Variants in GOLGA6L9 observed in about 807,000 individuals in gnomAD.
GOLGA6L9 encodes golgin subfamily A member 6-like protein 9.
Under a neutral mutation model 51.3 loss-of-function variants are expected in GOLGA6L9, and 19 were observed. The observed-to-expected ratio is 0.37, with a 90% confidence interval of 0.26 to 0.54. The LOEUF is 0.54. Ranked by LOEUF, GOLGA6L9 falls within the 20% of genes least tolerant of loss-of-function variation. The pLI is 0.83. For missense variants in GOLGA6L9, 247 were observed against 464.1 expected, an observed-to-expected ratio of 0.53 and a Z score of 4.30; for synonymous variants, 97 against 184.2, an observed-to-expected ratio of 0.53 and a Z score of 3.83.
intron 5 of GOLGA6L9, 108 bp from the exon 6 acceptor site, chr15:82,433,926 G>A: frequency 7.0e-7 from 1 of 1,425,794 alleles, no homozygotes; most frequent in East Asian, 2.5e-5. Flanking sequence ...CATTAGCAGT[G>A]AGGCCAAGTT....
the GOLGA6L9 span, among the ~76,000 whole-genome samples, chr15:82,420,755 T>C: frequency 2.0e-5 from 3 of 152,130 alleles, no homozygotes; most frequent in Admixed American, 6.6e-5. Context: ...TAACATGAAA[T>C]GCAGGCTGTA....
At chr15:82,427,067 T>A (rs1342709339), upstream of GOLGA6L9, among the ~76,000 whole-genome samples, 2 of 151,598 alleles carry the variant, frequency 1.3e-5, no homozygotes, top group African/African-American at 2.4e-5. Context: ...TTGTTTTTTT[T>A]TCTCAGTAAT....
Position 82,437,011 on chromosome 15 carries a change from A to G in GOLGA6L9, c.*600A>G, listed in dbSNP as rs1268485129. On this transcript the variant is annotated 3_prime_UTR_variant, in exon 9 of 9. Transcript: ENST00000618348. ...ACAGCCTTTCCCCCTTTTTCTGTGT[A>G]TTGGGGATGGGAGTAATAACATTTT... 1 of 156,300 alleles carries G rather than the reference A, an allele frequency of 6.4e-6. No individual in the cohort carries two copies. Among genetic ancestry groups the G allele is most frequent in the African/African-American group, 2.4e-5 (1 of 41,026 alleles). The allele number at this position is 156,300 out of a possible 1,614,324, so 9.7% of individuals were successfully genotyped here. A position where few individuals can be genotyped will look rare whatever the true frequency, so the allele number is the denominator to read the frequency against.
At chr15:82,417,992 G>A in the GOLGA6L9 span, among the ~76,000 whole-genome samples, 10 of 152,096 alleles carry the variant, frequency 6.6e-5, no homozygotes, top group African/African-American at 1.2e-4. Flanking sequence ...TTAATTTTTC[G>A]GAGAGTTTTT....
At chr15:82,420,012 C>G in the GOLGA6L9 span, 1 of 451,074 alleles carries the variant, frequency 2.2e-6, no homozygotes, top group Non-Finnish European at 4.4e-6. Flanking sequence ...TAGAATCAGT[C>G]ATCATGCAAA....
chr15:82,426,001 A>T (rs1485143642), upstream of GOLGA6L9, among the ~76,000 whole-genome samples: 1 of 127,556 alleles, frequency 7.8e-6, no homozygotes, highest in Non-Finnish European at 1.6e-5. Flanking sequence ...ATATTTAAAA[A>T]TTTTCTGAAC....
the GOLGA6L9 span, among the ~76,000 whole-genome samples, chr15:82,416,754 GA>G: frequency 1.3e-5 from 2 of 152,188 alleles, no homozygotes. Context: ...ATAGATTACT[GA>G]GGAGTTTTGT....
the GOLGA6L9 span, among the ~76,000 whole-genome samples, chr15:82,417,130 CT>C: frequency 6.6e-6 from 1 of 152,154 alleles, no homozygotes; most frequent in African/African-American, 2.4e-5. Flanking sequence ...ATTGACTTTT[CT>C]TTGAAGTGAT....
rs2031345395 is a variant in GOLGA6L9, at chr15:82,429,852, T to A, written c.-228T>A. On this transcript the variant is annotated 5_prime_UTR_variant, in exon 1 of 9. Transcript: ENST00000618348. ...TCTCTGAGTGGGCGGGGACAGCGGT[T>A]GCATGGGCAGCTTTCCTTATGATGC... Among the ~76,000 whole-genome samples, 1 of 152,092 alleles carries A rather than the reference T, an allele frequency of 6.6e-6. No homozygotes were observed. Among genetic ancestry groups the A allele is most frequent in the Non-Finnish European group, 1.5e-5 (1 of 68,024 alleles).
chr15:82,416,307 GTGGAT>G, the GOLGA6L9 span, among the ~76,000 whole-genome samples: 2 of 152,178 alleles, frequency 1.3e-5, no homozygotes, highest in Non-Finnish European at 1.5e-5. Flanking sequence ...AAACAGTTCT[GTGGAT>G]TGGTGACAGA....
upstream of GOLGA6L9, among the ~76,000 whole-genome samples, chr15:82,427,215 CTTGT>C (rs1439159002): frequency 3.0e-5 from 4 of 131,460 alleles, no homozygotes; most frequent in Non-Finnish European, 6.4e-5. Flanking sequence ...CTTTCTTTTC[CTTGT>C]TTCTTTCTTT....
chr15:82,433,119 C>T (rs2031483884), intron 4 of GOLGA6L9, among the ~76,000 whole-genome samples: 1 of 151,458 alleles, frequency 6.6e-6, no homozygotes, highest in African/African-American at 2.4e-5. Flanking sequence ...CACCCCTGCT[C>T]TAGTCCTTGC....
At position 82,437,720 on chromosome 15, in the gene GOLGA6L9, CAAAA is replaced by C; in HGVS notation, c.*1311_*1314del. 6.7e-6 allele frequency: 1 copy of C among 148,534 alleles called. No homozygotes were observed. Among genetic ancestry groups the C allele is most frequent in the Non-Finnish European group, 1.5e-5 (1 of 67,106 alleles). The allele number at this position is 148,534 out of a possible 1,614,324, so 9.2% of individuals were successfully genotyped here. ...TATATGTGAGAGTACTTAGTTGAAACAAAAAGGAGTTTTAGTAGACAGTATTATA... is the reference window on the plus strand; with the variant it reads ...TATATGTGAGAGTACTTAGTTGAAACAGGAGTTTTAGTAGACAGTATTATA... On this transcript the variant is annotated 3_prime_UTR_variant, in exon 9 of 9. Coordinates refer to ENST00000618348, the MANE Select transcript of GOLGA6L9 (RefSeq NM_198181.4).
rs906442245 is a variant in GOLGA6L9, at chr15:82,438,567, T to C, written c.*2156T>C. On this transcript the variant is annotated 3_prime_UTR_variant, in exon 9 of 9. Transcript: ENST00000618348. ...CTTTAATTTGCTTAGAAGGCAACAT[T>C]AGAAGGTTAGAGTTCAGCAGGAACA... The C allele has an allele frequency of 2.7e-5, 4 of 146,508 alleles. No individual in the cohort carries two copies. Among genetic ancestry groups the C allele is most frequent in the African/African-American group, 7.6e-5 (3 of 39,560 alleles). The allele number at this position is 146,508 out of a possible 1,614,324, so 9.1% of individuals were successfully genotyped here.
chr15:82,431,615 G>A, intron 1 of GOLGA6L9: 2 of 403,396 alleles, frequency 5.0e-6, no homozygotes, highest in South Asian at 6.6e-5. Flanking sequence ...CTGAGTTTAA[G>A]TTCCAGTATT....
Position 82,434,101 on chromosome 15 carries a change from C to T in GOLGA6L9, c.501C>T (p.Asn167=). 3 of 1,519,486 alleles carry T rather than the reference C, an allele frequency of 2.0e-6. No individual in the cohort carries two copies. Among genetic ancestry groups the T allele is most frequent in the Non-Finnish European group, 2.6e-6 (3 of 1,143,564 alleles). The allele number at this position is 1,519,486 out of a possible 1,614,324, so 94.1% of individuals were successfully genotyped here. A position where few individuals can be genotyped will look rare whatever the true frequency, so the allele number is the denominator to read the frequency against. ...SKMEQLQDET[N]HLRKELESVG... ...TGGAGCAGCTACAAGATGAGACCAA[C>T]CACCTAAGGAAGGAGCTAGAGAGTG... The change falls in exon 6 of 9, where the codon AAC becomes AAT. Residue 167 remains asparagine (N), a synonymous_variant. Coordinates refer to ENST00000618348, the MANE Select transcript of GOLGA6L9 (RefSeq NM_198181.4).
rs1454068051 is a variant in GOLGA6L9, at chr15:82,436,512, G to T, written c.*101G>T. On this transcript the variant is annotated 3_prime_UTR_variant, in exon 9 of 9. Coordinates refer to ENST00000618348, the MANE Select transcript of GOLGA6L9 (RefSeq NM_198181.4). ...TTGAATGTTAGAGCCACTTATGTTTGTGTTTCTAATTTATAGTTTAAATTT... is the reference window on the plus strand; with the variant it reads ...TTGAATGTTAGAGCCACTTATGTTTTTGTTTCTAATTTATAGTTTAAATTT... 6.7e-7 allele frequency: 1 copy of T among 1,487,552 alleles called. No homozygotes were observed. Among genetic ancestry groups the T allele is most frequent in the African/African-American group, 1.4e-5 (1 of 70,328 alleles). 92.1% of individuals were successfully genotyped at this position (1,487,552 alleles called of 1,614,324 possible).
At chr15:82,417,902 T>A in the GOLGA6L9 span, among the ~76,000 whole-genome samples, 1 of 152,144 alleles carries the variant, frequency 6.6e-6, no homozygotes, top group East Asian at 1.9e-4. Context: ...ATTTAAGGAG[T>A]GAGAGAGAGA....
At chr15:82,431,655 T>C (rs1196935789) in intron 1 of GOLGA6L9, 175 bp from the exon 2 acceptor site, 3 of 553,274 alleles carry the variant, frequency 5.4e-6, no homozygotes, top group African/African-American at 3.9e-5. Context: ...TTTTTTTTTT[T>C]CTATCCATGA....
Sources: gnomAD v4.1 joint callset for allele counts (sites outside exome capture counted in the v4.1 genomes callset) on GRCh38, gnomAD v4.1.1 for gene constraint, MANE v1.5 for transcripts, NCBI Gene and HGNC (gene_info 2026-07-23, HGNC 2026-07-21) for gene names.